Variants in EPHB2 observed in about 807,000 individuals in gnomAD.
The protein encoded by EPHB2 is ephrin type-B receptor 2.
Under a neutral mutation model 96.4 loss-of-function variants are expected in EPHB2, and 18 were observed. The ratio of observed to expected loss-of-function variants is 0.19; its 90% CI spans 0.13 to 0.28. EPHB2 has a LOEUF of 0.28. Among genes scored for constraint, EPHB2 ranks in the 10% least tolerant of loss-of-function variants. The pLI, the probability that EPHB2 is intolerant of heterozygous loss-of-function variation, is 1.00. For missense variants in EPHB2, 989 were observed against 1,355.4 expected (o/e 0.73, Z 4.25); for synonymous variants, 506 against 534.1 (o/e 0.95, Z 0.72).
intron 5 of EPHB2, among the ~76,000 whole-genome samples, chr1:22,878,829 G>A (rs1217286303): frequency 1.3e-5 from 2 of 152,230 alleles, no homozygotes; most frequent in Non-Finnish European, 2.9e-5. Context: ...GGCACTGTGC[G>A]GGTCTAGGCA....
At chr1:22,891,671 A>G (rs1195932901) in intron 6 of EPHB2, among the ~76,000 whole-genome samples, 1 of 152,208 alleles carries the variant, frequency 6.6e-6, no homozygotes, top group African/African-American at 2.4e-5. Flanking sequence ...CCTGGGTAAC[A>G]TTCAGGAAGC....
intron 9 of EPHB2, among the ~76,000 whole-genome samples, chr1:22,897,765 T>A (rs1412936086): frequency 6.6e-6 from 1 of 151,142 alleles, no homozygotes; most frequent in Non-Finnish European, 1.5e-5. Flanking sequence ...CCAGCCTGGG[T>A]GACAGAGCAA....
chr1:22,900,170 T>G (rs1639704819), intron 9 of EPHB2, among the ~76,000 whole-genome samples: 1 of 150,828 alleles, frequency 6.6e-6, no homozygotes, highest in South Asian at 2.1e-4. Flanking sequence ...GGTGCACGCC[T>G]GTAATCCCAG....
intron 3 of EPHB2, among the ~76,000 whole-genome samples, chr1:22,843,445 G>A (rs979017143): frequency 1.3e-5 from 2 of 152,102 alleles, no homozygotes; most frequent in Non-Finnish European, 2.9e-5. Flanking sequence ...TCATCACCCC[G>A]GTGATAAGCA....
At chr1:22,888,433 G>T (rs547016805) in intron 6 of EPHB2, among the ~76,000 whole-genome samples, 1 of 152,264 alleles carries the variant, frequency 6.6e-6, no homozygotes, top group Admixed American at 6.5e-5. Flanking sequence ...AGCTTTACCT[G>T]TATTTTCCTT....
intron 1 of EPHB2, among the ~76,000 whole-genome samples, chr1:22,754,241 T>C (rs191390561): frequency 3.9e-5 from 6 of 152,240 alleles, no homozygotes; most frequent in Admixed American, 1.3e-4. Context: ...AAACCTCCCG[T>C]CTTGTGGTTC....
intron 3 of EPHB2, among the ~76,000 whole-genome samples, chr1:22,821,996 T>C (rs547723951): frequency 6.6e-6 from 1 of 152,314 alleles, no homozygotes; most frequent in African/African-American, 2.4e-5. Context: ...CTAAGGTCCT[T>C]GGATGATGCT....
At chr1:22,844,845 A>G (rs1283352359) in intron 3 of EPHB2, among the ~76,000 whole-genome samples, 2 of 152,226 alleles carry the variant, frequency 1.3e-5, no homozygotes, top group Non-Finnish European at 2.9e-5. Flanking sequence ...TCAAGAGGGC[A>G]TTAGGTCCTG....
At chr1:22,873,345 A>G (rs1157140265) in intron 5 of EPHB2, among the ~76,000 whole-genome samples, 1 of 152,222 alleles carries the variant, frequency 6.6e-6, no homozygotes, top group African/African-American at 2.4e-5. Context: ...ACTCTGCTCC[A>G]ACATGTCTCA....
At chr1:22,789,372 G>C (rs548372772) in intron 3 of EPHB2, among the ~76,000 whole-genome samples, 1 of 152,212 alleles carries the variant, frequency 6.6e-6, no homozygotes, top group African/African-American at 2.4e-5. Flanking sequence ...GATGGAGAGT[G>C]GGGGAGTCCT....
chr1:22,740,530 C>T (rs1046910212), intron 1 of EPHB2, among the ~76,000 whole-genome samples: 18 of 152,124 alleles, frequency 1.2e-4, no homozygotes, highest in Non-Finnish European at 5.9e-5. Flanking sequence ...GTAAGCATGC[C>T]CTCAAGCCTT....
At chr1:22,871,923 G>A (rs1271444422) in intron 5 of EPHB2, among the ~76,000 whole-genome samples, 1 of 152,152 alleles carries the variant, frequency 6.6e-6, no homozygotes, top group Non-Finnish European at 1.5e-5. Context: ...GGCTGAGGCA[G>A]GAGAATTGCT....
intron 3 of EPHB2, among the ~76,000 whole-genome samples, chr1:22,822,255 G>A (rs1645162073): frequency 6.6e-6 from 1 of 152,062 alleles, no homozygotes; most frequent in South Asian, 2.1e-4. Context: ...GGCCAAGGCA[G>A]GAGGATCACT....
At chr1:22,743,854 A>G (rs976758386) in intron 1 of EPHB2, among the ~76,000 whole-genome samples, 2 of 152,216 alleles carry the variant, frequency 1.3e-5, no homozygotes, top group Non-Finnish European at 2.9e-5. Context: ...CCACCTCTAC[A>G]AATGGTAATG....
At chr1:22,718,006 G>A (rs1643337317) in intron 1 of EPHB2, among the ~76,000 whole-genome samples, 1 of 152,184 alleles carries the variant, frequency 6.6e-6, no homozygotes, top group Admixed American at 6.5e-5. Context: ...CTGAGTGTGT[G>A]CCTCAGGTGT....
At chr1:22,820,355 G>C (rs1269670358) in intron 3 of EPHB2, among the ~76,000 whole-genome samples, 1 of 152,012 alleles carries the variant, frequency 6.6e-6, no homozygotes, top group Admixed American at 6.6e-5. Context: ...TAATAATAAT[G>C]ATAGCTGTAA....
chr1:22,871,103 C>T (rs1414103578), intron 5 of EPHB2, among the ~76,000 whole-genome samples: 4 of 152,190 alleles, frequency 2.6e-5, no homozygotes, highest in Non-Finnish European at 5.9e-5. Context: ...CACAACGATA[C>T]GAGGTAGGTC....
rs1019017968 is a variant in EPHB2, at chr1:22,790,552, A to G, written c.811+5476A>G. Among the ~76,000 whole-genome samples, 3 of 151,994 alleles carry G rather than the reference A, an allele frequency of 2.0e-5. No individual in the cohort carries two copies. Among genetic ancestry groups the G allele is most frequent in the East Asian group, 3.9e-4 (2 of 5,168 alleles). On this transcript the variant is annotated intron_variant, in intron 3 of 15. Transcript: ENST00000374630. The surrounding 1 kb of genome is among the most constrained non-coding windows in gnomAD (Gnocchi z 4.0). ...GTGATTGTGAATGTTCCCCTGCCCC[A>G]GTTTCTCCAAGCCTGCCTGTCTCCA...
At chr1:22,807,417 T>C (rs74061028) in intron 3 of EPHB2, among the ~76,000 whole-genome samples, 8,211 of 152,220 alleles carry the variant, frequency 0.054, 650 homozygotes, top group African/African-American at 0.18. Context: ...GGTGACTTGG[T>C]CAGGCATGAC....
Sources: gnomAD v4.1 joint callset for allele counts (sites outside exome capture counted in the v4.1 genomes callset) on GRCh38, gnomAD v4.1.1 for gene constraint, Gnocchi (gnomAD v3.1) non-coding constraint, MANE v1.5 for transcripts, NCBI Gene and HGNC (gene_info 2026-07-23, HGNC 2026-07-21) for gene names.